Variants in METTL15 observed in about 807,000 individuals in gnomAD.
METTL15 encodes 12S rRNA N(4)-cytidine methyltransferase METTL15.
In METTL15, 34 loss-of-function variants were observed where a neutral mutation model predicts 38.3. The ratio of observed to expected loss-of-function variants is 0.89; its 90% CI spans 0.68 to 1.18. The LOEUF is 1.18. METTL15 is among the 50% of genes most tolerant of loss of function. The pLI, the probability that METTL15 is intolerant of heterozygous loss-of-function variation, is 0.00. For missense variants in METTL15, 438 were observed against 498.4 expected (o/e 0.88, Z 1.15); for synonymous variants, 162 against 170.9 (o/e 0.95, Z 0.41).
chr11:28,386,137 C>A (rs748759055), intron 5 of METTL15, among the ~76,000 whole-genome samples: 3 of 151,824 alleles, frequency 2.0e-5, no homozygotes, highest in Non-Finnish European at 4.4e-5. Flanking sequence ...AGAAAGAAAT[C>A]AAGCATGTCA....
intron 3 of METTL15, among the ~76,000 whole-genome samples, chr11:28,127,296 T>A (rs920417947): frequency 4.6e-5 from 7 of 151,998 alleles, no homozygotes; most frequent in Admixed American, 2.0e-4. Context: ...GTAAAAAGCA[T>A]AGGACAAAGC....
chr11:28,131,789 C>T (rs1849346454), intron 3 of METTL15, among the ~76,000 whole-genome samples: 2 of 152,122 alleles, frequency 1.3e-5, no homozygotes, highest in Admixed American at 6.5e-5. Context: ...GAAGAATCGT[C>T]TCATATGCAG....
At chr11:28,367,214 A>C (rs1214340911) in intron 5 of METTL15, among the ~76,000 whole-genome samples, 1 of 151,820 alleles carries the variant, frequency 6.6e-6, no homozygotes, top group African/African-American at 2.4e-5. Flanking sequence ...AAAAAAAAAA[A>C]AGGAGAGCTA....
intron 3 of METTL15, among the ~76,000 whole-genome samples, chr11:28,199,444 T>A (rs951503179): frequency 6.6e-6 from 1 of 152,170 alleles, no homozygotes; most frequent in Non-Finnish European, 1.5e-5. Context: ...ATGAAATTCT[T>A]AAACCTCTTC....
intron 3 of METTL15, among the ~76,000 whole-genome samples, chr11:28,195,941 T>C (rs1340113369): frequency 2.0e-5 from 3 of 152,046 alleles, no homozygotes; most frequent in Non-Finnish European, 2.9e-5. Context: ...TTTCATACCA[T>C]TTCTTGAATA....
intron 6 of METTL15, among the ~76,000 whole-genome samples, chr11:28,523,791 A>G (rs756904296): frequency 1.4e-4 from 21 of 152,234 alleles, no homozygotes; most frequent in Non-Finnish European, 1.9e-4. Context: ...GTTATTGACT[A>G]TGATAACTTG....
At position 28,289,672 on chromosome 11, in the gene METTL15, G is replaced by C. The variant is rs979066780; in HGVS notation, c.408-534G>C. Among the ~76,000 whole-genome samples, 3 of 152,104 alleles carry C rather than the reference G, an allele frequency of 2.0e-5. No individual in the cohort carries two copies. The East Asian group carries it at 5.8e-4, about 29-fold the overall frequency. On this transcript the variant is annotated intron_variant, in intron 4 of 6. Coordinates refer to ENST00000407364, the MANE Select transcript of METTL15 (RefSeq NM_001113528.2). The stretch of plus-strand genomic sequence containing the variant: ...GATAATACATTGCTTCAGCAAGAAG[G>C]CATTTATTTTAGTCATAGTTTCATT...
At chr11:28,267,458 A>AT (rs1431805293) in intron 4 of METTL15, among the ~76,000 whole-genome samples, 4 of 152,172 alleles carry the variant, frequency 2.6e-5, no homozygotes, top group African/African-American at 9.7e-5. Flanking sequence ...AGCACTACTG[A>AT]TCTCACTCTT....
At chr11:28,487,563 C>T (rs1239989505) in intron 6 of METTL15, among the ~76,000 whole-genome samples, 2 of 152,068 alleles carry the variant, frequency 1.3e-5, no homozygotes, top group Non-Finnish European at 2.9e-5. Context: ...TCATTGCCTT[C>T]CTATATTTCT....
intron 6 of METTL15, among the ~76,000 whole-genome samples, chr11:28,430,912 G>A (rs1850919308): frequency 9.1e-6 from 1 of 110,380 alleles, no homozygotes; most frequent in Non-Finnish European, 1.9e-5. Context: ...GGGGGGGTCA[G>A]CCCCCCGCCC....
chr11:28,359,039 G>C (rs897232787), intron 4 of METTL15, among the ~76,000 whole-genome samples: 1 of 152,242 alleles, frequency 6.6e-6, no homozygotes, highest in Middle Eastern at 3.4e-3. Context: ...CCCAGGTAGT[G>C]AGCATAGTAC....
chr11:28,335,644 T>C (rs1849894538), downstream of METTL15, among the ~76,000 whole-genome samples: 1 of 152,174 alleles, frequency 6.6e-6, no homozygotes, highest in Non-Finnish European at 1.5e-5. Flanking sequence ...GGCTTAATGC[T>C]GTCCTCATAG....
intron 5 of METTL15, among the ~76,000 whole-genome samples, chr11:28,295,737 A>T (rs905951701): frequency 1.3e-5 from 2 of 152,120 alleles, no homozygotes; most frequent in South Asian, 4.1e-4. Flanking sequence ...TAGAGGCACT[A>T]GGCTTAACAG....
At chr11:28,270,376 T>C (rs1401427352) in intron 4 of METTL15, among the ~76,000 whole-genome samples, 2 of 152,208 alleles carry the variant, frequency 1.3e-5, no homozygotes, top group African/African-American at 4.8e-5. Context: ...TCCATATTGG[T>C]AACTCCTTCG....
chr11:28,407,133 G>C (rs925342217), intron 5 of METTL15, among the ~76,000 whole-genome samples: 2 of 152,028 alleles, frequency 1.3e-5, no homozygotes, highest in African/African-American at 4.8e-5. Context: ...AGGGAAACTG[G>C]ACTCTTTCCT....
chr11:28,288,717 G>A (rs147730183), intron 4 of METTL15, among the ~76,000 whole-genome samples: 102 of 152,086 alleles, frequency 6.7e-4, no homozygotes, highest in African/African-American at 2.3e-3. Flanking sequence ...ATGGATACTA[G>A]GCTTAATACC....
chr11:28,278,287 G>T (rs549917205), intron 4 of METTL15, among the ~76,000 whole-genome samples: 1 of 152,228 alleles, frequency 6.6e-6, no homozygotes, highest in East Asian at 1.9e-4. Flanking sequence ...GTGGAATATA[G>T]GATTCAGCAT....
At chr11:28,506,513 T>C (rs957330663) in intron 6 of METTL15, among the ~76,000 whole-genome samples, 1 of 152,174 alleles carries the variant, frequency 6.6e-6, no homozygotes, top group African/African-American at 2.4e-5. Flanking sequence ...GTGGTAACTA[T>C]TATTATACAT....
rs1849843637 is a variant in METTL15 at position 28,332,512 on chromosome 11, A to G, written c.*1671A>G. 1 of 151,084 alleles carries G rather than the reference A, an allele frequency of 6.6e-6. No individual in the cohort carries two copies. The highest frequency in any genetic ancestry group is 1.5e-5 in the Non-Finnish European group (1 of 67,950). The allele number at this position is 151,084 out of a possible 1,614,324, so 9.4% of individuals were successfully genotyped here. ...AATAGAAACTGAATGTACTGGGTTG[A>G]ATGGTGTCCTCTCCAAAATTCATGT... is the stretch of plus-strand genomic sequence containing the variant. On this transcript the variant is annotated 3_prime_UTR_variant, in exon 7 of 7. Transcript: ENST00000407364.
Sources: gnomAD v4.1 joint callset for allele counts (sites outside exome capture counted in the v4.1 genomes callset) on GRCh38, gnomAD v4.1.1 for gene constraint, MANE v1.5 for transcripts, NCBI Gene and HGNC (gene_info 2026-07-23, HGNC 2026-07-21) for gene names.